FBXL20: variants seen among roughly 807,000 people sequenced by gnomAD.
The protein encoded by FBXL20 is F-box/LRR-repeat protein 20.
FBXL20 carries 11 observed loss-of-function variants against 64.0 expected under a neutral mutation model. The ratio of observed to expected loss-of-function variants is 0.17; its 90% CI spans 0.11 to 0.28. The LOEUF (loss-of-function observed/expected upper bound fraction) is 0.28. Among genes scored for constraint, FBXL20 ranks in the 10% least tolerant of loss-of-function variants. FBXL20 has a pLI of 1.00. For synonymous variants in FBXL20, 184 were observed against 189.0 expected, an observed-to-expected ratio of 0.97 and a Z score of 0.22; for missense variants, 303 against 526.2, an observed-to-expected ratio of 0.58 and a Z score of 4.15.
intron 1 of FBXL20, among the ~76,000 whole-genome samples, chr17:39,374,973 G>A (rs551615161): frequency 7.9e-5 from 12 of 152,222 alleles, no homozygotes; most frequent in Admixed American, 7.9e-4. Flanking sequence ...TTTTAGTAGA[G>A]ACAAGGTTTC....
In FBXL20 at chr17:39,359,484, G is replaced by A. The variant is rs563319800; in HGVS notation, c.43-16243C>T. Among the ~76,000 whole-genome samples, 154 of 152,164 alleles carry A rather than the reference G, an allele frequency of 1.0e-3. 1 individual carries two copies. The highest frequency in any genetic ancestry group is 1.7e-3 in the Non-Finnish European group (118 of 68,000). On this transcript the variant is annotated intron_variant, in intron 1 of 14. Coordinates refer to ENST00000264658, the MANE Select transcript of FBXL20 (RefSeq NM_032875.3). ...CTAAAAATACAAAAATTAGCCAGGC[G>A]TGGTAGCACACCGGAGGCTGAAGCA...
intron 2 of FBXL20, among the ~76,000 whole-genome samples, chr17:39,320,928 C>T (rs925473596): frequency 1.3e-5 from 2 of 152,064 alleles, no homozygotes; most frequent in South Asian, 2.1e-4. Context: ...AACAGCCACA[C>T]GTAACTCAGA....
intron 1 of FBXL20, among the ~76,000 whole-genome samples, chr17:39,392,285 CA>C (rs1480458936): frequency 2.6e-5 from 4 of 151,580 alleles, no homozygotes; most frequent in Admixed American, 2.6e-4. Context: ...ACTAAAAACA[CA>C]AAAATTAGTT....
intron 5 of FBXL20, 89 bp from the exon 6 acceptor site, chr17:39,297,284 TATTG>T (rs1465071411): frequency 1.3e-6 from 1 of 744,296 alleles, no homozygotes; most frequent in African/African-American, 1.8e-5. Context: ...TTATTGGTAA[TATTG>T]ATTGTTGATA....
intron 2 of FBXL20, among the ~76,000 whole-genome samples, chr17:39,341,962 A>G (rs1340000107): frequency 6.6e-6 from 1 of 152,234 alleles, no homozygotes; most frequent in Non-Finnish European, 1.5e-5. Flanking sequence ...TGCAGTCTAA[A>G]GAATTTCAGG....
At chr17:39,397,834 A>G (rs909129630) in intron 1 of FBXL20, among the ~76,000 whole-genome samples, 2 of 151,594 alleles carry the variant, frequency 1.3e-5, no homozygotes, top group Non-Finnish European at 2.9e-5. Context: ...GCTAAAAAAA[A>G]AAGCAGGATG....
At chr17:39,341,636 C>T (rs182630750) in intron 2 of FBXL20, among the ~76,000 whole-genome samples, 135 of 152,280 alleles carry the variant, frequency 8.9e-4, no homozygotes, top group African/African-American at 3.0e-3. Context: ...CTTCCTCACT[C>T]CATCACTATT....
chr17:39,271,915 GAAGTTA>G (rs1597764430), intron 10 of FBXL20, among the ~76,000 whole-genome samples: 1 of 152,134 alleles, frequency 6.6e-6, no homozygotes, highest in African/African-American at 2.4e-5. Flanking sequence ...GAAAAAAATT[GAAGTTA>G]AAGTATAGGA....
chr17:39,269,647 C>A (rs776468347), intron 11 of FBXL20, among the ~76,000 whole-genome samples: 2 of 151,910 alleles, frequency 1.3e-5, no homozygotes, highest in Non-Finnish European at 2.9e-5. Flanking sequence ...TACAGGCATG[C>A]GCCACCATCA....
chr17:39,379,651 C>T (rs2048003960), intron 1 of FBXL20, among the ~76,000 whole-genome samples: 1 of 151,714 alleles, frequency 6.6e-6, no homozygotes. Flanking sequence ...CGTGGTGGTA[C>T]CCATCTGCCA....
chr17:39,305,788 C>T (rs1027973402), intron 2 of FBXL20, among the ~76,000 whole-genome samples: 2 of 151,966 alleles, frequency 1.3e-5, no homozygotes, highest in African/African-American at 2.4e-5. Flanking sequence ...GAGTTCGAGA[C>T]CAGCCTGACA....
rs527876612 is a variant in FBXL20 at position 39,302,396 on chromosome 17, C to T, written c.159+1189G>A. Among the ~76,000 whole-genome samples, 901 of 137,556 alleles carry T rather than the reference C, an allele frequency of 6.6e-3. 11 individuals are homozygous for T. Among genetic ancestry groups the T allele is most frequent in the African/African-American group, 0.025 (876 of 35,522 alleles). The allele number at this position is 137,556 out of a possible 152,430, so 90.2% of individuals were successfully genotyped here. ...TGGCTTTTTTTTTTTTTTTTTGAGACGGAGTCTCGTTCTGTCGCCCAGGCT... is the reference window on the plus strand; with the variant it reads ...TGGCTTTTTTTTTTTTTTTTTGAGATGGAGTCTCGTTCTGTCGCCCAGGCT... On this transcript the variant is annotated intron_variant, in intron 3 of 14. Transcript: ENST00000264658.
intron 1 of FBXL20, among the ~76,000 whole-genome samples, chr17:39,394,619 C>T (rs2048165762): frequency 6.7e-6 from 1 of 150,008 alleles, no homozygotes; most frequent in Non-Finnish European, 1.5e-5. Context: ...GGCTGAAGTG[C>T]GCTGGCACGA....
chr17:39,380,311 C>A (rs2048009698), intron 1 of FBXL20, among the ~76,000 whole-genome samples: 3 of 152,168 alleles, frequency 2.0e-5, no homozygotes, highest in Admixed American at 6.6e-5. Flanking sequence ...CTGCCCTGCT[C>A]TCTAACCACC....
intron 2 of FBXL20, among the ~76,000 whole-genome samples, chr17:39,324,564 G>A (rs72825116): frequency 0.1 from 15,631 of 152,190 alleles, 863 homozygotes; most frequent in African/African-American, 0.15. Flanking sequence ...GATTACAGGC[G>A]TGAGCAATGG....
At chr17:39,324,000 G>A (rs1239590755) in intron 2 of FBXL20, among the ~76,000 whole-genome samples, 2 of 139,340 alleles carry the variant, frequency 1.4e-5, no homozygotes, top group East Asian at 2.0e-4. Flanking sequence ...TCCTGACCTC[G>A]TGATCCAACC....
At chr17:39,400,479 C>G (rs1008780669) in intron 1 of FBXL20, among the ~76,000 whole-genome samples, 1 of 152,150 alleles carries the variant, frequency 6.6e-6, no homozygotes, top group Admixed American at 6.5e-5. Flanking sequence ...CAGAAAAGAC[C>G]AGGTGACATT....
chr17:39,295,784 G>GAGAGATATATATATATATATATAT (rs758714135), intron 6 of FBXL20, among the ~76,000 whole-genome samples: 2 of 137,068 alleles, frequency 1.5e-5, no homozygotes, highest in African/African-American at 2.7e-5. Flanking sequence ...CAAATATGGA[G>GAGAGATATATATATATATATATAT]ATATATATAT....
At chr17:39,326,866 A>G (rs2047414126) in intron 2 of FBXL20, among the ~76,000 whole-genome samples, 1 of 147,228 alleles carries the variant, frequency 6.8e-6, no homozygotes, top group African/African-American at 2.5e-5. Context: ...GGCCTCAAAC[A>G]ATCCTCCTGT....
Sources: allele counts gnomAD v4.1 joint callset (sites outside exome capture counted in the v4.1 genomes callset), GRCh38; gene constraint gnomAD v4.1.1; transcripts MANE v1.5; gene names NCBI Gene and HGNC (gene_info 2026-07-23, HGNC 2026-07-21).